Variants in ANXA8 observed in about 807,000 individuals in gnomAD.
ANXA8 encodes the protein annexin A8.
Under a neutral mutation model 26.8 loss-of-function variants are expected in ANXA8, and 9 were observed. The ratio of observed to expected loss-of-function variants is 0.34; its 90% CI spans 0.20 to 0.59. The LOEUF (loss-of-function observed/expected upper bound fraction) is 0.59, where lower values mean the gene tolerates loss of function less well. Among genes scored for constraint, ANXA8 ranks in the 20% least tolerant of loss-of-function variants. The pLI is 0.84. For missense variants in ANXA8, 83 were observed against 238.5 expected (o/e 0.35, Z 4.29); for synonymous variants, 39 against 94.8 (o/e 0.41, Z 3.42).
chr10:47,693,742 C>A, the ANXA8 span, among the ~76,000 whole-genome samples: 1 of 151,648 alleles, frequency 6.6e-6, no homozygotes, highest in Non-Finnish European at 1.5e-5. Context: ...TGATTCAGTG[C>A]TTGCTGAATA....
upstream of ANXA8, among the ~76,000 whole-genome samples, chr10:47,485,951 A>G (rs1409377433): frequency 2.0e-5 from 3 of 151,874 alleles, no homozygotes; most frequent in African/African-American, 7.3e-5. Context: ...TACTAAAAAT[A>G]CAAAAAATTA....
At chr10:47,907,106 C>T in the ANXA8 span, among the ~76,000 whole-genome samples, 1 of 151,812 alleles carries the variant, frequency 6.6e-6, no homozygotes, top group African/African-American at 2.4e-5. Flanking sequence ...CTTGTAATCC[C>T]AGCACTTTGG....
At chr10:47,558,284 G>A in the ANXA8 span, among the ~76,000 whole-genome samples, 1 of 151,826 alleles carries the variant, frequency 6.6e-6, no homozygotes, top group Non-Finnish European at 1.5e-5. Context: ...GTTTCCTCTG[G>A]TGAGCTGGAT....
At chr10:47,930,635 C>T in the ANXA8 span, among the ~76,000 whole-genome samples, 1 of 152,278 alleles carries the variant, frequency 6.6e-6, no homozygotes, top group Non-Finnish European at 1.5e-5. Context: ...TCTCCACTCC[C>T]TCATTAGAAC....
the ANXA8 span, among the ~76,000 whole-genome samples, chr10:47,628,499 CATT>C: frequency 5.3e-5 from 8 of 151,088 alleles, no homozygotes; most frequent in East Asian, 1.9e-4. Flanking sequence ...TTAAAATCAA[CATT>C]AGTATTGACA....
the ANXA8 span, among the ~76,000 whole-genome samples, chr10:47,644,817 C>T: frequency 6.6e-6 from 1 of 150,572 alleles, no homozygotes. Context: ...ATGTCTAAAA[C>T]ACTGATGATA....
At chr10:47,676,588 T>C in the ANXA8 span, among the ~76,000 whole-genome samples, 11 of 151,872 alleles carry the variant, frequency 7.2e-5, no homozygotes, top group African/African-American at 2.2e-4. Context: ...CCCAGGAGTT[T>C]GAGTCCAGCC....
At chr10:47,492,330 C>G in the ANXA8 span, among the ~76,000 whole-genome samples, 1 of 147,648 alleles carries the variant, frequency 6.8e-6, no homozygotes, top group African/African-American at 2.4e-5. Context: ...TCAGCTGATG[C>G]TCACTCACCC....
chr10:47,689,268 C>A, the ANXA8 span, among the ~76,000 whole-genome samples: 6 of 151,592 alleles, frequency 4.0e-5, 1 homozygote, highest in African/African-American at 1.5e-4. Context: ...CAACCTCCGC[C>A]TCCTGGGTTC....
the ANXA8 span, among the ~76,000 whole-genome samples, chr10:47,967,987 T>C: frequency 6.6e-6 from 1 of 150,436 alleles, no homozygotes; most frequent in Admixed American, 6.7e-5. Flanking sequence ...AAAAAACCTA[T>C]ATTAAAACCC....
the ANXA8 span, among the ~76,000 whole-genome samples, chr10:47,769,847 G>A: frequency 6.6e-6 from 1 of 152,270 alleles, no homozygotes. Flanking sequence ...TGCTTATAAA[G>A]GAATTCCTGA....
chr10:47,514,105 G>A, the ANXA8 span, among the ~76,000 whole-genome samples: 2 of 140,938 alleles, frequency 1.4e-5, no homozygotes, highest in Non-Finnish European at 3.1e-5. Context: ...AGAGTGGGAG[G>A]AAATCTTCGC....
At chr10:47,952,280 A>G in the ANXA8 span, among the ~76,000 whole-genome samples, 1 of 151,674 alleles carries the variant, frequency 6.6e-6, no homozygotes, top group South Asian at 2.1e-4. Flanking sequence ...GTGGTGCAAT[A>G]AGGTAAGAGG....
At chr10:47,694,640 C>G in the ANXA8 span, among the ~76,000 whole-genome samples, 3 of 151,822 alleles carry the variant, frequency 2.0e-5, no homozygotes, top group Non-Finnish European at 4.4e-5. Context: ...GGGCTGGTCT[C>G]GAACTCCTGA....
chr10:47,639,405 C>G, the ANXA8 span, among the ~76,000 whole-genome samples: 1 of 151,944 alleles, frequency 6.6e-6, no homozygotes, highest in African/African-American at 2.4e-5. Flanking sequence ...CTTCGCCTCC[C>G]GGGTTCACGC....
chr10:47,952,835 T>C, the ANXA8 span, among the ~76,000 whole-genome samples: 324 of 148,556 alleles, frequency 2.2e-3, 1 homozygote, highest in African/African-American at 7.3e-3. Flanking sequence ...TGGACATACA[T>C]AATATGTTGA....
chr10:47,623,295 G>T, the ANXA8 span, among the ~76,000 whole-genome samples: 2 of 110,562 alleles, frequency 1.8e-5, 1 homozygote, highest in Admixed American at 1.9e-4. Flanking sequence ...GCTTGCTACT[G>T]TACACAACGC....
At chr10:47,978,968 G>A in the ANXA8 span, among the ~76,000 whole-genome samples, 1 of 150,460 alleles carries the variant, frequency 6.6e-6, no homozygotes, top group East Asian at 1.9e-4. Flanking sequence ...AAAGTAATAG[G>A]ATGGAAAAAG....
At chr10:47,498,090 A>G in the ANXA8 span, among the ~76,000 whole-genome samples, 1 of 149,756 alleles carries the variant, frequency 6.7e-6, no homozygotes. Flanking sequence ...CATGCAACCA[A>G]TCTCTGGAAC....
Sources: gnomAD v4.1 joint callset for allele counts (sites outside exome capture counted in the v4.1 genomes callset) on GRCh38, gnomAD v4.1.1 for gene constraint, MANE v1.5 for transcripts, NCBI Gene and HGNC (gene_info 2026-07-23, HGNC 2026-07-21) for gene names.